Variants in TMEM163 observed in about 807,000 individuals in gnomAD.
The protein encoded by TMEM163 is transmembrane protein 163.
In TMEM163, 17 loss-of-function variants were observed where a neutral mutation model predicts 29.3. The observed-to-expected ratio is 0.58, with a 90% CI of 0.40 to 0.87. TMEM163 has a LOEUF of 0.87. Among genes scored for constraint, TMEM163 ranks in the 40% least tolerant of loss-of-function variants. The probability of loss-of-function intolerance (pLI) is 0.00; values close to 1 mark genes in which losing one functional copy is unlikely to be tolerated. For synonymous variants in TMEM163, 157 were observed against 160.6 expected, an observed-to-expected ratio of 0.98 and a Z score of 0.17; for missense variants, 303 against 381.5, an observed-to-expected ratio of 0.79 and a Z score of 1.71.
chr2:134,568,979 C>T (rs1002544467), intron 2 of TMEM163, among the ~76,000 whole-genome samples: 2 of 152,156 alleles, frequency 1.3e-5, no homozygotes, highest in African/African-American at 2.4e-5. Flanking sequence ...ATCACTATGC[C>T]AAAGACCCAC....
At chr2:134,578,696 A>G (rs1681618236) in intron 2 of TMEM163, among the ~76,000 whole-genome samples, 1 of 152,172 alleles carries the variant, frequency 6.6e-6, no homozygotes. Context: ...CAGGGCCTAG[A>G]CTCAGCAATT....
rs1238642392 is a variant in TMEM163, at chr2:134,696,291, T to A, written c.322+16909A>T. Among the ~76,000 whole-genome samples, 7 of 152,296 alleles carry A rather than the reference T, an allele frequency of 4.6e-5. No homozygotes were observed. In the East Asian group the frequency reaches 1.4e-3, roughly 29 times the overall value. On this transcript the variant is annotated intron_variant, in intron 2 of 7. Coordinates refer to ENST00000281924, the MANE Select transcript of TMEM163 (RefSeq NM_030923.5). Reference sequence around the variant, plus strand: ...TCCCTATTCAACTTTCCTGGTCTATTTGTTCCTAAAAATATCACAATCTCA... The same window carrying A: ...TCCCTATTCAACTTTCCTGGTCTATATGTTCCTAAAAATATCACAATCTCA...
Position 134,456,592 on chromosome 2 carries a change from T to C in TMEM163, c.*124A>G, listed in dbSNP as rs1686400941. 4.2e-6 allele frequency: 5 copies of C among 1,200,520 alleles called. No homozygotes were observed. The highest frequency in any genetic ancestry group is 2.0e-5 in the Admixed American group (1 of 50,384). The allele number at this position is 1,200,520 out of a possible 1,614,324, so 74.4% of individuals were successfully genotyped here. On this transcript the variant is annotated 3_prime_UTR_variant, in exon 8 of 8. Transcript: ENST00000281924. The stretch of plus-strand genomic sequence containing the variant: ...CCACCTGGCTGGGCAGACCTTGTCT[T>C]GTAATGACAAACCATGTGAAAGAAA...
chr2:134,472,182 T>C (rs980311351), intron 5 of TMEM163, among the ~76,000 whole-genome samples: 1 of 152,210 alleles, frequency 6.6e-6, no homozygotes, highest in Non-Finnish European at 1.5e-5. Flanking sequence ...CCATAAAAGA[T>C]TGATATACTT....
At position 134,632,219 on chromosome 2, in the gene TMEM163, C is replaced by T. The variant is rs1000691424; in HGVS notation, c.323-80128G>A. 4.6e-5 allele frequency among the ~76,000 whole-genome samples: 7 copies of T among 152,290 alleles called. No homozygotes were observed. The East Asian group carries it at 7.7e-4, about 17-fold the overall frequency. On this transcript the variant is annotated intron_variant, in intron 2 of 7. Transcript: ENST00000281924. Reference sequence around the variant, plus strand: ...GACTTACCCAATTGCCTGGGACTCACGGAACACAGAGCAGGCAATGAGCTA... The same window carrying T: ...GACTTACCCAATTGCCTGGGACTCATGGAACACAGAGCAGGCAATGAGCTA...
At chr2:134,574,160 A>G (rs1681495031) in intron 2 of TMEM163, among the ~76,000 whole-genome samples, 1 of 152,252 alleles carries the variant, frequency 6.6e-6, no homozygotes, top group South Asian at 2.1e-4. Flanking sequence ...CTTATAATCT[A>G]GGCAACAGAG....
chr2:134,623,267 A>T (rs576813728), intron 2 of TMEM163, among the ~76,000 whole-genome samples: 13 of 152,318 alleles, frequency 8.5e-5, no homozygotes, highest in African/African-American at 3.1e-4. Context: ...CTTGCATAAC[A>T]ATGCAGACCT....
At chr2:134,547,036 G>T (rs147821784) in intron 4 of TMEM163, among the ~76,000 whole-genome samples, 172 of 152,226 alleles carry the variant, frequency 1.1e-3, no homozygotes, top group African/African-American at 4.0e-3. Flanking sequence ...GGGACTAGGG[G>T]ACAGGGGAAA....
At chr2:134,621,106 T>C (rs963274772) in intron 2 of TMEM163, among the ~76,000 whole-genome samples, 22 of 152,216 alleles carry the variant, frequency 1.4e-4, no homozygotes, top group African/African-American at 4.6e-4. Context: ...ATCCAGAATA[T>C]ATATCCCTCG....
At chr2:134,467,602 C>T (rs1363699768) in intron 5 of TMEM163, 1 of 152,142 alleles carries the variant, frequency 6.6e-6, no homozygotes. Flanking sequence ...GGTCATGAAA[C>T]ATGAGGAACG....
intron 2 of TMEM163, among the ~76,000 whole-genome samples, chr2:134,657,170 T>C (rs1398182107): frequency 6.6e-6 from 1 of 152,236 alleles, no homozygotes; most frequent in African/African-American, 2.4e-5. Context: ...GTAGGATTGG[T>C]ACAAGCTCTT....
At chr2:134,664,682 G>A (rs906660400) in intron 2 of TMEM163, among the ~76,000 whole-genome samples, 33 of 152,214 alleles carry the variant, frequency 2.2e-4, no homozygotes, top group African/African-American at 6.5e-4. Flanking sequence ...GATTGCAGTC[G>A]TGTGGTCACA....
chr2:134,617,320 A>C (rs954187019), intron 2 of TMEM163, among the ~76,000 whole-genome samples: 6 of 152,194 alleles, frequency 3.9e-5, no homozygotes, highest in Non-Finnish European at 8.8e-5. Flanking sequence ...TTTAAAAATC[A>C]GAGGAATTGG....
intron 2 of TMEM163, among the ~76,000 whole-genome samples, chr2:134,606,174 C>T (rs779157931): frequency 6.6e-6 from 1 of 151,996 alleles, no homozygotes; most frequent in Non-Finnish European, 1.5e-5. Context: ...AAACACAGCA[C>T]GTAATGTCTT....
At chr2:134,502,759 C>T in intron 5 of TMEM163, 142 bp downstream of exon 5, 1 of 651,348 alleles carries the variant, frequency 1.5e-6, no homozygotes, top group South Asian at 2.3e-5. Flanking sequence ...ATTTGCATCC[C>T]TGCAACAAGT....
intron 4 of TMEM163, among the ~76,000 whole-genome samples, chr2:134,504,817 C>T (rs146268292): frequency 2.6e-5 from 4 of 152,260 alleles, no homozygotes; most frequent in East Asian, 3.9e-4. Context: ...ACAGTCCTAA[C>T]GCTGGAATCA....
At chr2:134,570,471 TATACATATAC>T (rs1168274519) in intron 2 of TMEM163, among the ~76,000 whole-genome samples, 2 of 41,888 alleles carry the variant, frequency 4.8e-5, no homozygotes, top group East Asian at 4.0e-3. Flanking sequence ...TACATATATA[TATACATATAC>T]ATATACATAT....
At chr2:134,595,527 T>C (rs1283314548) in intron 2 of TMEM163, among the ~76,000 whole-genome samples, 2 of 152,244 alleles carry the variant, frequency 1.3e-5, no homozygotes, top group East Asian at 3.8e-4. Flanking sequence ...TTTGGACATT[T>C]GGGTTGGTTC....
chr2:134,604,354 T>C (rs1378344424), intron 2 of TMEM163, among the ~76,000 whole-genome samples: 1 of 151,250 alleles, frequency 6.6e-6, no homozygotes, highest in East Asian at 1.9e-4. Context: ...GGTTTACATG[T>C]GGAACAAAGA....
Sources: allele counts gnomAD v4.1 joint callset (sites outside exome capture counted in the v4.1 genomes callset), GRCh38; gene constraint gnomAD v4.1.1; transcripts MANE v1.5; gene names NCBI Gene and HGNC (gene_info 2026-07-23, HGNC 2026-07-21).